BSX: variants seen among roughly 807,000 people sequenced by gnomAD.
BSX encodes the protein brain specific homeobox.
Under a neutral mutation model 16.9 loss-of-function variants are expected in BSX, and 12 were observed. The observed-to-expected ratio is 0.71, with a 90% CI of 0.46 to 1.15. BSX has a LOEUF of 1.15. Ranked by LOEUF, BSX falls within the 50% of genes most tolerant of loss-of-function variation. The probability of loss-of-function intolerance (pLI) is 0.00; values close to 1 mark genes in which losing one functional copy is unlikely to be tolerated. For missense variants in BSX, 292 were observed against 311.8 expected, an observed-to-expected ratio of 0.94 and a Z score of 0.48; for synonymous variants, 160 against 136.4, an observed-to-expected ratio of 1.17 and a Z score of -1.20.
Position 122,977,857 on chromosome 11 carries a change from T to G in BSX, c.494A>C (p.His165Pro). 6.2e-7 allele frequency: 1 copy of G among 1,613,980 alleles called. No homozygotes were observed. ...KTWFQNRRMK[H>P]KKQLRKSQDE... ...TTGGCTTTTCCGCAGTTGCTTTTTATGCTTCATCCGCCGGTTCTGGAACCA... is the reference window on the plus strand; with the variant it reads ...TTGGCTTTTCCGCAGTTGCTTTTTAGGCTTCATCCGCCGGTTCTGGAACCA... Residue 165 changes from histidine (H) to proline (P), a missense_variant, in exon 3 of 3, where the codon CAT (histidine) becomes CCT (proline). Physicochemically the swap from His to Pro is moderately conservative, Grantham distance 77. Transcript: ENST00000343035. This position sits in a 1 kb window ranked among gnomAD's most constrained non-coding sequence, Gnocchi z 4.5.
chr11:122,979,707 C>T (rs1048679545), intron 1 of BSX, among the ~76,000 whole-genome samples: 1 of 151,302 alleles, frequency 6.6e-6, no homozygotes, highest in Non-Finnish European at 1.5e-5. Context: ...AAACAACAAA[C>T]AGTAAATAAA....
In BSX at chr11:122,977,991, C is replaced by T; in HGVS notation, c.460-100G>A. The stretch of plus-strand genomic sequence containing the variant: ...GGCTGCAGTCCGTTGATGAAGTATC[C>T]AAGAGCGGTGATAGCCTCAACTGCT... On this transcript the variant is annotated intron_variant, in intron 2 of 2. Coordinates refer to ENST00000343035, the MANE Select transcript of BSX (RefSeq NM_001098169.2). The surrounding 1 kb of genome is among the most constrained non-coding windows in gnomAD (Gnocchi z 4.5). 7 of 1,442,518 alleles carry T rather than the reference C, an allele frequency of 4.9e-6. No homozygotes were observed. Among genetic ancestry groups the T allele is most frequent in the South Asian group, 4.7e-5 (4 of 85,170 alleles). 89.4% of individuals were successfully genotyped at this position (1,442,518 alleles called of 1,614,324 possible).
chr11:122,978,921 T>C (rs1198396505), intron 2 of BSX, among the ~76,000 whole-genome samples: 1 of 143,092 alleles, frequency 7.0e-6, no homozygotes, highest in African/African-American at 2.6e-5. Context: ...CTCTTCTGCC[T>C]CAGCCTCCCC....
At chr11:122,980,878 G>A (rs1864560578) in intron 1 of BSX, among the ~76,000 whole-genome samples, 1 of 152,088 alleles carries the variant, frequency 6.6e-6, no homozygotes, top group African/African-American at 2.4e-5. Flanking sequence ...CACCCTTTCT[G>A]TCTTATTCAG....
intron 2 of BSX, among the ~76,000 whole-genome samples, chr11:122,978,534 G>A (rs1314404096): frequency 6.6e-6 from 1 of 151,980 alleles, no homozygotes; most frequent in African/African-American, 2.4e-5. Context: ...AAGTGAGAAA[G>A]GGGGAAAAAA....
At chr11:122,980,661 T>A (rs976564035) in intron 1 of BSX, among the ~76,000 whole-genome samples, 1 of 152,164 alleles carries the variant, frequency 6.6e-6, no homozygotes, top group Non-Finnish European at 1.5e-5. Flanking sequence ...TCGGAGTATT[T>A]CCCCACATCC....
rs762860042 is a variant in BSX at position 122,981,525 on chromosome 11, C to A, written c.147G>T (p.Val49=). The change falls in exon 1 of 3, where the codon GTG becomes GTT. Residue 49 remains valine, a synonymous_variant. Transcript: ENST00000343035. ...GGGGGTAGCCATAGTCTAGCAGAGG[C>A]ACCCGAGAGGCCAGAGAGCTGGCGA... ...DHFASSLASR[V]PLLDYGYPLM... is the part of the protein sequence containing the mutation. The A allele has an allele frequency of 8.1e-6, 13 of 1,596,680 alleles. No individual in the cohort carries two copies. Among genetic ancestry groups the A allele is most frequent in the African/African-American group, 6.7e-5 (5 of 74,720 alleles).
In BSX at chr11:122,977,870, G is replaced by A. The variant is rs1382544218; in HGVS notation, c.481C>T (p.Arg161Trp). 3.1e-6 allele frequency: 5 copies of A among 1,613,778 alleles called. No homozygotes were observed. The highest frequency in any genetic ancestry group is 1.1e-5 in the South Asian group (1 of 91,046). ...ETQVKTWFQN[R>W]RMKHKKQLRK... ...AGTTGCTTTTTATGCTTCATCCGCC[G>A]GTTCTGGAACCACGTTTTCACCTGA... is the stretch of plus-strand genomic sequence containing the variant. The change falls in exon 3 of 3, where the codon CGG (arginine) becomes TGG (tryptophan). Residue 161 changes from arginine (R) to tryptophan (W), a missense_variant. By Grantham distance (101) the Arg-to-Trp change is moderately radical (BLOSUM62 -3). Coordinates refer to ENST00000343035, the MANE Select transcript of BSX (RefSeq NM_001098169.2). The surrounding 1 kb of genome is among the most constrained non-coding windows in gnomAD (Gnocchi z 4.5).
chr11:122,979,102 C>A (rs998690112), intron 2 of BSX, among the ~76,000 whole-genome samples, 159 bp downstream of exon 2: 3 of 152,168 alleles, frequency 2.0e-5, no homozygotes, highest in Non-Finnish European at 2.9e-5. Flanking sequence ...CCGCGCCCGG[C>A]CAGGTGTAGG....
intron 2 of BSX, 103 bp downstream of exon 2, chr11:122,979,158 G>T: frequency 9.1e-7 from 1 of 1,101,132 alleles, no homozygotes; most frequent in South Asian, 1.6e-5. Flanking sequence ...AAGCGTCAGC[G>T]GGGTCTATTT....
chr11:122,979,004 C>T (rs1027070850), intron 2 of BSX, among the ~76,000 whole-genome samples: 7 of 151,676 alleles, frequency 4.6e-5, no homozygotes, highest in African/African-American at 1.7e-4. Context: ...CGGGGTTTCA[C>T]CATATTGGTC....
At chr11:122,978,795 CTTTTTTTTTTTTTTT>C (rs35567142) in intron 2 of BSX, among the ~76,000 whole-genome samples, 3 of 64,776 alleles carry the variant, frequency 4.6e-5, no homozygotes, top group Admixed American at 2.3e-4. Context: ...TTTTTCTTTT[CTTTTTTTTTTTTTTT>C]TTTTTTTTTT....
intron 1 of BSX, 85 bp from the exon 2 acceptor site, chr11:122,979,542 C>A: frequency 8.2e-7 from 1 of 1,225,980 alleles, no homozygotes; most frequent in Admixed American, 2.2e-5. Context: ...TCCCCTAGCC[C>A]CCAGTGCCTT....
In BSX at chr11:122,981,756, C is replaced by CA; in HGVS notation, c.-86dup. 1 of 1,366,604 alleles carries CA rather than the reference C, an allele frequency of 7.3e-7. No individual in the cohort carries two copies. Among genetic ancestry groups the CA allele is most frequent in the South Asian group, 1.5e-5 (1 of 68,808 alleles). 84.7% of individuals were successfully genotyped at this position (1,366,604 alleles called of 1,614,324 possible). On this transcript the variant is annotated 5_prime_UTR_variant, in exon 1 of 3. Coordinates refer to ENST00000343035, the MANE Select transcript of BSX (RefSeq NM_001098169.2). ...GTCTCCAAGCCTGCTCGAAAGCCGG[C>CA]AACCACCCTCCGAGGCTCGAATCTC...
In BSX at chr11:122,979,396, G is replaced by A; in HGVS notation, c.324C>T (p.Cys108=). 6.2e-7 allele frequency: 1 copy of A among 1,614,028 alleles called. No homozygotes were observed. ...AAACCGTGCGGGCTTTGCGGCGGCG[G>A]CAGTGCTTCCCCGGCAGCTCCGCGT... is the stretch of plus-strand genomic sequence containing the variant. ...PQHAELPGKH[C]RRRKARTVFS... The change falls in exon 2 of 3, where the codon TGC becomes TGT. Residue 108 remains cysteine, a synonymous_variant. Coordinates refer to ENST00000343035, the MANE Select transcript of BSX (RefSeq NM_001098169.2).
chr11:122,981,354 C>A, intron 1 of BSX, 56 bp downstream of exon 1: 1 of 1,440,972 alleles, frequency 6.9e-7, no homozygotes, highest in South Asian at 1.5e-5. Context: ...GGCTTAGGGT[C>A]TGTGCTAGAA....
chr11:122,981,054 G>A (rs879057152), intron 1 of BSX, among the ~76,000 whole-genome samples: 2 of 152,176 alleles, frequency 1.3e-5, no homozygotes, highest in Non-Finnish European at 2.9e-5. Context: ...GTGGGCAGAG[G>A]CGGAGAATCA....
chr11:122,980,807 G>T (rs1411517312), intron 1 of BSX, among the ~76,000 whole-genome samples: 1 of 150,912 alleles, frequency 6.6e-6, no homozygotes, highest in Non-Finnish European at 1.5e-5. Context: ...TGAGTTAAAT[G>T]TTAGATGTTG....
chr11:122,977,929 C>T lies in BSX; in HGVS notation c.460-38G>A. The stretch of plus-strand genomic sequence containing the variant: ...AGATAAAAATAAAATCATGTCATTC[C>T]TCCAAATCTGAGCCATCGCTGGGGT... On this transcript the variant is annotated intron_variant, in intron 2 of 2. Coordinates refer to ENST00000343035, the MANE Select transcript of BSX (RefSeq NM_001098169.2). The surrounding 1 kb of genome is among the most constrained non-coding windows in gnomAD (Gnocchi z 4.5). The T allele has an allele frequency of 6.2e-7, 1 of 1,608,886 alleles. No individual in the cohort carries two copies. The highest frequency in any genetic ancestry group is 8.5e-7 in the Non-Finnish European group (1 of 1,179,752).
Sources: allele counts gnomAD v4.1 joint callset (sites outside exome capture counted in the v4.1 genomes callset), GRCh38; gene constraint gnomAD v4.1.1; non-coding constraint Gnocchi (gnomAD v3.1); transcripts MANE v1.5; gene names NCBI Gene and HGNC (gene_info 2026-07-23, HGNC 2026-07-21).